Variants in GMEB2 observed in about 807,000 individuals in gnomAD.
GMEB2 encodes glucocorticoid modulatory element binding protein 2.
Under a neutral mutation model 45.7 loss-of-function variants are expected in GMEB2, and 7 were observed. That is an observed-to-expected ratio of 0.15 (90% CI 0.09 to 0.29). The LOEUF (loss-of-function observed/expected upper bound fraction) is 0.29, where lower values mean the gene tolerates loss of function less well. GMEB2 is among the 10% of genes least tolerant of loss of function. The pLI, the probability that GMEB2 is intolerant of heterozygous loss-of-function variation, is 1.00. For missense variants in GMEB2, 582 were observed against 739.2 expected, an observed-to-expected ratio of 0.79 and a Z score of 2.47; for synonymous variants, 322 against 323.6, an observed-to-expected ratio of 1.00 and a Z score of 0.05.
chr20:63,613,672 G>A (rs936698996), intron 2 of GMEB2, among the ~76,000 whole-genome samples: 1 of 151,924 alleles, frequency 6.6e-6, no homozygotes, highest in Non-Finnish European at 1.5e-5. Context: ...CCGCCACCAC[G>A]CCTGGCTAAT....
Position 63,589,943 on chromosome 20 carries a change from AT to A in GMEB2, c.*145del, listed in dbSNP as rs2083129086. 1 of 569,048 alleles carries A rather than the reference AT, an allele frequency of 1.8e-6. No individual in the cohort carries two copies. Among genetic ancestry groups the A allele is most frequent in the South Asian group, 3.5e-5 (1 of 28,804 alleles). 35.2% of individuals were successfully genotyped at this position (569,048 alleles called of 1,614,324 possible). The stretch of plus-strand genomic sequence containing the variant: ...TTCTGTCCCCTTCTCTCTTCTCGTG[AT>A]TTGTTTTGGCGATTCCTCTCTTTGG... On this transcript the variant is annotated 3_prime_UTR_variant, in exon 10 of 10. Transcript: ENST00000370077.
chr20:63,602,907 A>G, intron 4 of GMEB2, 58 bp downstream of exon 4: 1 of 1,531,108 alleles, frequency 6.5e-7, no homozygotes, highest in South Asian at 1.2e-5. Context: ...GCACCCCCAA[A>G]GCAGTCACAG....
In GMEB2 at chr20:63,596,578, G is replaced by A. The variant is rs146062308; in HGVS notation, c.462-811C>T. On this transcript the variant is annotated intron_variant, in intron 5 of 9. Transcript: ENST00000370077. Reference sequence around the variant, plus strand: ...AATCAGAGGCCAGTTCAGCTGGACAGGGAAAGGACCTGAGCCATGGGAAAG... The same window carrying A: ...AATCAGAGGCCAGTTCAGCTGGACAAGGAAAGGACCTGAGCCATGGGAAAG... Among the ~76,000 whole-genome samples the A allele has an allele frequency of 3.9e-5, 6 of 152,356 alleles. No individual in the cohort carries two copies. In the East Asian group the frequency reaches 1.2e-3, roughly 29 times the overall value.
chr20:63,622,124 G>C (rs1379036671), intron 1 of GMEB2, among the ~76,000 whole-genome samples: 1 of 151,682 alleles, frequency 6.6e-6, no homozygotes. Context: ...TCAAGACCTT[G>C]TCACAAAAAA....
rs74634919 is a variant in GMEB2, at chr20:63,619,795, G to A, written c.-57-341C>T. ...AGGCTCCCGGCTTGCCAGTTCTTCC[G>A]TCTCTCCTGGCCTGAACTCAAAGCC... On this transcript the variant is annotated intron_variant, in intron 1 of 9. Coordinates refer to ENST00000370077, the MANE Select transcript of GMEB2 (RefSeq NM_012384.5). The surrounding 1 kb of genome is among the most constrained non-coding windows in gnomAD (Gnocchi z 4.6). 9.3e-3 allele frequency: 1,497 copies of A among 161,644 alleles called. 27 individuals carry two copies. The highest frequency in any genetic ancestry group is 0.034 in the African/African-American group (1,427 of 41,704). 10.0% of individuals were successfully genotyped at this position (161,644 alleles called of 1,614,324 possible).
At chr20:63,612,658 T>A (rs80136947) in intron 2 of GMEB2, among the ~76,000 whole-genome samples, 1,571 of 152,292 alleles carry the variant, frequency 0.01, 38 homozygotes, top group African/African-American at 0.036. Flanking sequence ...AGGCCCACTT[T>A]CCTCTGCAAC....
chr20:63,615,785 C>T (rs759149035), intron 2 of GMEB2, among the ~76,000 whole-genome samples: 10 of 152,204 alleles, frequency 6.6e-5, no homozygotes, highest in Admixed American at 6.5e-5. Flanking sequence ...CAGGGCTCCA[C>T]GGTGTGGCGA....
rs1231497930 is a variant in GMEB2, at chr20:63,592,065, G to A, written c.909C>T (p.Cys303=). 3.1e-6 allele frequency: 5 copies of A among 1,613,296 alleles called. No homozygotes were observed. In the East Asian group the frequency reaches 1.1e-4, roughly 36 times the overall value. The change falls in exon 9 of 10, where the codon TGC becomes TGT. Residue 303 remains cysteine (C), a synonymous_variant. Coordinates refer to ENST00000370077, the MANE Select transcript of GMEB2 (RefSeq NM_012384.5). The surrounding 1 kb of genome is among the most constrained non-coding windows in gnomAD (Gnocchi z 8.2). ...LVKKVLASHK[C]QMDRSREQYA... ...ACTGCTCCCGCGAGCGGTCCATCTG[G>A]CACTTGTGGCTGGCCAGCACCTTCT...
intron 2 of GMEB2, among the ~76,000 whole-genome samples, chr20:63,607,235 C>CCA (rs745672022): frequency 3.1e-5 from 4 of 130,762 alleles, no homozygotes; most frequent in South Asian, 2.6e-4. Flanking sequence ...CCCCTCTGAC[C>CCA]CACCTCCATT....
chr20:63,591,914 C>T (rs972891699), intron 9 of GMEB2, 108 bp downstream of exon 9: 26 of 929,300 alleles, frequency 2.8e-5, no homozygotes, highest in African/African-American at 6.7e-5. Context: ...GCCGTGGTGG[C>T]GGTGACTCCA....
Position 63,588,631 on chromosome 20 carries a change from G to A in GMEB2, c.*1458C>T, listed in dbSNP as rs2083115402. Reference sequence around the variant, plus strand: ...TGACAATGGCGCAGAGGTGGGGTCTGGGCCGCTCACTGGACGGACAGCCAG... The same window carrying A: ...TGACAATGGCGCAGAGGTGGGGTCTAGGCCGCTCACTGGACGGACAGCCAG... On this transcript the variant is annotated 3_prime_UTR_variant, in exon 10 of 10. Transcript: ENST00000370077. 2.5e-6 allele frequency: 1 copy of A among 397,908 alleles called. No individual in the cohort carries two copies. The highest frequency in any genetic ancestry group is 4.4e-6 in the Non-Finnish European group (1 of 226,064). The allele number at this position is 397,908 out of a possible 1,614,324, so 24.6% of individuals were successfully genotyped here.
chr20:63,626,032 G>A (rs1416768115), intron 1 of GMEB2, among the ~76,000 whole-genome samples: 1 of 152,264 alleles, frequency 6.6e-6, no homozygotes, highest in Non-Finnish European at 1.5e-5. Flanking sequence ...TTTCAGTCAC[G>A]CATGAATTAC....
chr20:63,600,551 C>T (rs2083234484), intron 4 of GMEB2, among the ~76,000 whole-genome samples: 1 of 151,334 alleles, frequency 6.6e-6, no homozygotes, highest in Admixed American at 6.6e-5. Context: ...AACCCCATCT[C>T]TACTAAAAAT....
Position 63,589,798 on chromosome 20 carries a change from T to C in GMEB2, c.*291A>G, listed in dbSNP as rs1159211781. On this transcript the variant is annotated 3_prime_UTR_variant, in exon 10 of 10. Coordinates refer to ENST00000370077, the MANE Select transcript of GMEB2 (RefSeq NM_012384.5). ...CCCTAGCCCCCGCCCACCTGGCTCC[T>C]GATCAAGGCCCAATGTGTAAACAGT... The C allele has an allele frequency of 2.0e-5, 6 of 301,770 alleles. No homozygotes were observed. The highest frequency in any genetic ancestry group is 4.3e-5 in the African/African-American group (2 of 46,452). 18.7% of individuals were successfully genotyped at this position (301,770 alleles called of 1,614,324 possible).
At position 63,595,702 on chromosome 20, in the gene GMEB2, C is replaced by T; in HGVS notation, c.527G>A (p.Arg176His). ...QHDKVCSNTCRSTKIDLSGAR... is the reference protein window; with the variant it reads ...QHDKVCSNTCHSTKIDLSGAR... ...TCCTGAGAGGTCAATCTTTGTGCTGCGGCAGGTGTTGGAGCAGACCTTGTC... is the reference window on the plus strand; with the variant it reads ...TCCTGAGAGGTCAATCTTTGTGCTGTGGCAGGTGTTGGAGCAGACCTTGTC... Residue 176 changes from arginine (R) to histidine (H), a missense_variant, in exon 6 of 10, where the codon CGC (arginine) becomes CAC (histidine). Coordinates refer to ENST00000370077, the MANE Select transcript of GMEB2 (RefSeq NM_012384.5). The T allele has an allele frequency of 1.2e-6, 2 of 1,613,616 alleles. No homozygotes were observed. Among genetic ancestry groups the T allele is most frequent in the Non-Finnish European group, 1.7e-6 (2 of 1,179,556 alleles).
At chr20:63,594,616 C>T (rs1246092811) in intron 6 of GMEB2, among the ~76,000 whole-genome samples, 1 of 152,210 alleles carries the variant, frequency 6.6e-6, no homozygotes, top group African/African-American at 2.4e-5. Flanking sequence ...CGTCCCTGGG[C>T]ACACAGGAAC....
chr20:63,620,736 C>T (rs1173256266), intron 1 of GMEB2, among the ~76,000 whole-genome samples: 1 of 152,038 alleles, frequency 6.6e-6, no homozygotes, highest in Non-Finnish European at 1.5e-5. Flanking sequence ...TGAACCTAAC[C>T]AGGTCGATTT....
chr20:63,597,873 C>G lies in GMEB2; in HGVS notation c.358-13G>C. On this transcript the variant is annotated splice_polypyrimidine_tract_variant and intron_variant, in intron 4 of 9. Coordinates refer to ENST00000370077, the MANE Select transcript of GMEB2 (RefSeq NM_012384.5). Reference sequence around the variant, plus strand: ...CATGCTCGTCGTACTGTGGGGGACACAGTCATGTGGGTCAAGCTTGGCCGG... The same window carrying G: ...CATGCTCGTCGTACTGTGGGGGACAGAGTCATGTGGGTCAAGCTTGGCCGG... 6.6e-7 allele frequency: 1 copy of G among 1,506,482 alleles called. No individual in the cohort carries two copies. The highest frequency in any genetic ancestry group is 9.2e-7 in the Non-Finnish European group (1 of 1,081,924). 93.3% of individuals were successfully genotyped at this position (1,506,482 alleles called of 1,614,324 possible).
Position 63,604,798 on chromosome 20 carries a change from C to A in GMEB2, c.174G>T (p.Ala58=), listed in dbSNP as rs768505227. The A allele has an allele frequency of 3.7e-6, 6 of 1,611,736 alleles. No individual in the cohort carries two copies. In the South Asian group the frequency reaches 6.6e-5, roughly 18 times the overall value. ...TEDNMETENA[A]AAAAAAFTAS... Reference sequence around the variant, plus strand: ...CTGTGAAGGCCGCGGCAGCTGCTGCCGCTGCATTTTCTGTCTCCATGTTAT... The same window carrying A: ...CTGTGAAGGCCGCGGCAGCTGCTGCAGCTGCATTTTCTGTCTCCATGTTAT... The change falls in exon 3 of 10, where the codon GCG becomes GCT. Residue 58 remains alanine, a synonymous_variant. Coordinates refer to ENST00000370077, the MANE Select transcript of GMEB2 (RefSeq NM_012384.5).
Sources: allele counts gnomAD v4.1 joint callset (sites outside exome capture counted in the v4.1 genomes callset), GRCh38; gene constraint gnomAD v4.1.1; non-coding constraint Gnocchi (gnomAD v3.1); transcripts MANE v1.5; gene names NCBI Gene and HGNC (gene_info 2026-07-23, HGNC 2026-07-21).